Variants in RAB11FIP3 observed in about 807,000 individuals in gnomAD.
RAB11FIP3 encodes the protein rab11 family-interacting protein 3.
A neutral mutation model predicts 77.8 loss-of-function variants in RAB11FIP3; 17 were observed. That is an observed-to-expected ratio of 0.22 (90% confidence interval 0.15 to 0.33). The LOEUF (loss-of-function observed/expected upper bound fraction) is 0.33. Ranked by LOEUF, RAB11FIP3 falls within the 10% of genes least tolerant of loss-of-function variation. The probability of loss-of-function intolerance (pLI) is 1.00; values close to 1 mark genes in which losing one functional copy is unlikely to be tolerated. For synonymous variants in RAB11FIP3, 437 were observed against 448.2 expected (o/e 0.98, Z 0.31); for missense variants, 1,005 against 1,011.2 (o/e 0.99, Z 0.08).
At position 461,449 on chromosome 16, in the gene RAB11FIP3, A is replaced by T; in HGVS notation, c.760A>T (p.Ile254Phe). 6.2e-7 allele frequency: 1 copy of T among 1,614,038 alleles called. No individual in the cohort carries two copies. The highest frequency in any genetic ancestry group is 8.5e-7 in the Non-Finnish European group (1 of 1,180,006). Reference sequence around the variant, plus strand: ...CTTGGATCCCAGTGGGCTCGGCGTGATCAGCTTTGAAGACTTCTACCAAGG... The same window carrying T: ...CTTGGATCCCAGTGGGCTCGGCGTGTTCAGCTTTGAAGACTTCTACCAAGG... ...KYLDPSGLGV[I>F]SFEDFYQGIT... The change falls in exon 2 of 14, where the codon ATC becomes TTC. Residue 254 changes from isoleucine (I) to phenylalanine (F), a missense_variant. By Grantham distance (21) the Ile-to-Phe change is conservative. This residue lies in a region of RAB11FIP3 where 466 missense variants were observed against 408.3 expected (regional missense o/e 1.14). Transcript: ENST00000262305. The surrounding 1 kb of genome is among the most constrained non-coding windows in gnomAD (Gnocchi z 4.5).
intron 11 of RAB11FIP3, 76 bp downstream of exon 11, chr16:519,967 T>C: frequency 6.6e-7 from 1 of 1,524,882 alleles, no homozygotes; most frequent in East Asian, 2.5e-5. Flanking sequence ...CCTGAGACGC[T>C]AGCTCTTGGC....
chr16:488,649 T>C (rs759335369), intron 4 of RAB11FIP3, among the ~76,000 whole-genome samples: 2 of 151,898 alleles, frequency 1.3e-5, no homozygotes, highest in African/African-American at 2.4e-5. Context: ...GCTCAAGCCA[T>C]CTGCTCGCCT....
At chr16:489,720 CT>C (rs1285805114) in intron 5 of RAB11FIP3, among the ~76,000 whole-genome samples, 2 of 152,256 alleles carry the variant, frequency 1.3e-5, no homozygotes, top group Non-Finnish European at 2.9e-5. Flanking sequence ...CTTCCCTTGC[CT>C]GCTGCCCGCC....
chr16:449,707 T>A (rs919430684), intron 1 of RAB11FIP3, among the ~76,000 whole-genome samples: 2 of 150,758 alleles, frequency 1.3e-5, no homozygotes, highest in African/African-American at 2.4e-5. Context: ...ATCCCAGCAC[T>A]TTGGGAGGCT....
At chr16:486,804 A>G (rs1039880271) in intron 4 of RAB11FIP3, among the ~76,000 whole-genome samples, 2 of 152,208 alleles carry the variant, frequency 1.3e-5, no homozygotes, top group African/African-American at 4.8e-5. Flanking sequence ...AGGGAGTAGC[A>G]GGTTTCACCA....
chr16:486,840 G>C (rs561500447), intron 4 of RAB11FIP3, among the ~76,000 whole-genome samples: 2 of 152,330 alleles, frequency 1.3e-5, no homozygotes, highest in Non-Finnish European at 2.9e-5. Flanking sequence ...GCGGGGAAGG[G>C]CCTGCTGGCC....
chr16:489,063 T>C, intron 5 of RAB11FIP3, 63 bp downstream of exon 5: 1 of 1,529,430 alleles, frequency 6.5e-7, no homozygotes, highest in South Asian at 1.2e-5. Flanking sequence ...TAGTGGGAAG[T>C]TTCCCTTTTT....
intron 1 of RAB11FIP3, among the ~76,000 whole-genome samples, chr16:458,958 A>T (rs532232285): frequency 6.6e-6 from 1 of 152,190 alleles, no homozygotes; most frequent in Non-Finnish European, 1.5e-5. Context: ...ACGTGCAGGC[A>T]TGCCTCTGGT....
chr16:486,644 A>G (rs1337753730), intron 4 of RAB11FIP3, among the ~76,000 whole-genome samples: 2 of 152,212 alleles, frequency 1.3e-5, no homozygotes, highest in East Asian at 1.9e-4. Context: ...CGGTTCATAC[A>G]GTCTCTGCCG....
chr16:448,360 T>C (rs2055351629), intron 1 of RAB11FIP3, among the ~76,000 whole-genome samples: 1 of 151,456 alleles, frequency 6.6e-6, no homozygotes, highest in Admixed American at 6.6e-5. Flanking sequence ...TCCTAGCACT[T>C]TGGGAGGCCG....
chr16:483,882 T>G lies in RAB11FIP3; in HGVS notation c.1115+1146T>G, dbSNP rs138967734. On this transcript the variant is annotated intron_variant, in intron 4 of 13. Transcript: ENST00000262305. ...CAGTCAGAAGATCTTCGCATCTGCT[T>G]TGACCTGGAAGCCCGCCCGTCCCCC... Among the ~76,000 whole-genome samples the G allele has an allele frequency of 3.4e-3, 510 of 152,190 alleles. 1 individual carries two copies. Among genetic ancestry groups the G allele is most frequent in the African/African-American group, 0.012 (492 of 41,532 alleles).
chr16:458,027 G>A (rs1267846537), intron 1 of RAB11FIP3, among the ~76,000 whole-genome samples: 1 of 152,252 alleles, frequency 6.6e-6, no homozygotes, highest in Admixed American at 6.5e-5. Context: ...GGATTGGGGC[G>A]ATGGCCCCGG....
chr16:488,793 C>G, intron 4 of RAB11FIP3, 58 bp from the exon 5 acceptor site: 1 of 1,572,724 alleles, frequency 6.4e-7, no homozygotes, highest in Non-Finnish European at 8.7e-7. Flanking sequence ...TCCACACCCT[C>G]AGCTCGGGGG....
Position 496,826 on chromosome 16 carries a change from C to G in RAB11FIP3, c.1268C>G (p.Pro423Arg), listed in dbSNP as rs752752030. The G allele has an allele frequency of 3.1e-6, 5 of 1,595,332 alleles. No individual in the cohort carries two copies. The highest frequency in any genetic ancestry group is 2.2e-5 in the East Asian group (1 of 44,748). The change falls in exon 6 of 14, where the codon CCG becomes CGG. Residue 423 changes from proline to arginine, a missense_variant and splice_region_variant. Pro to Arg is a moderately radical substitution (Grantham distance 103, BLOSUM62 -2). This residue lies in a region of RAB11FIP3 where 433 missense variants were observed against 436.1 expected (regional missense o/e 0.99). Transcript: ENST00000262305. ...TGTTTATTTTGTTTTCTGCACAGTC[C>G]GACAAAGCGGCTCTCCAGCAAGAAG... ...CSDPAFLTPS[P>R]TKRLSSKKVA...
At chr16:438,555 G>A (rs1166123219) in intron 1 of RAB11FIP3, among the ~76,000 whole-genome samples, 5 of 149,878 alleles carry the variant, frequency 3.3e-5, no homozygotes, top group African/African-American at 9.9e-5. Context: ...ACAGGTGCAC[G>A]CCACCACGCC....
chr16:443,461 A>G (rs879619143), intron 1 of RAB11FIP3, among the ~76,000 whole-genome samples: 1 of 152,210 alleles, frequency 6.6e-6, no homozygotes, highest in Non-Finnish European at 1.5e-5. Context: ...AGGACAGTTA[A>G]ACAAAACCAG....
rs368886327 is a variant in RAB11FIP3, at chr16:505,638, G to A, written c.1499+11G>A. 6.3e-7 allele frequency: 1 copy of A among 1,583,056 alleles called. No individual in the cohort carries two copies. Among genetic ancestry groups the A allele is most frequent in the Admixed American group, 1.7e-5 (1 of 57,274 alleles). On this transcript the variant is annotated intron_variant, in intron 8 of 13. Transcript: ENST00000262305. This position sits in a 1 kb window ranked among gnomAD's most constrained non-coding sequence, Gnocchi z 4.0. ...GCAGCTGGTGCACAGGTGAGCCTGG[G>A]CCAGGAGACCCGGGCCTCTGCGTGG...
intron 1 of RAB11FIP3, among the ~76,000 whole-genome samples, chr16:446,787 C>T (rs2055324187): frequency 6.6e-6 from 1 of 152,028 alleles, no homozygotes; most frequent in African/African-American, 2.4e-5. Context: ...CCTCCGCCTC[C>T]TAGTCCTGGT....
intron 6 of RAB11FIP3, among the ~76,000 whole-genome samples, chr16:500,687 CAAAAAAAAAAAAAAAAA>C (rs56771770): frequency 9.0e-5 from 2 of 22,306 alleles, no homozygotes; most frequent in African/African-American, 5.0e-4. Context: ...GACTCTGTCG[CAAAAAAAAAAAAAAAAA>C]AAAAAAAAAA....
Sources: gnomAD v4.1 joint callset for allele counts (sites outside exome capture counted in the v4.1 genomes callset) on GRCh38, gnomAD v4.1.1 for gene constraint, gnomAD v4.1.1 regional missense constraint, Gnocchi (gnomAD v3.1) non-coding constraint, MANE v1.5 for transcripts, NCBI Gene and HGNC (gene_info 2026-07-23, HGNC 2026-07-21) for gene names.